Variants in MEGF10 observed in about 807,000 individuals in gnomAD.
MEGF10 encodes the protein multiple epidermal growth factor-like domains protein 10.
A neutral mutation model predicts 147.5 loss-of-function variants in MEGF10; 86 were observed. That is an observed-to-expected ratio of 0.58 (90% CI 0.49 to 0.70). The LOEUF is 0.70. MEGF10 is among the 30% of genes least tolerant of loss of function. The pLI, the probability that MEGF10 is intolerant of heterozygous loss-of-function variation, is 0.00. For synonymous variants in MEGF10, 478 were observed against 525.5 expected, an observed-to-expected ratio of 0.91 and a Z score of 1.24; for missense variants, 1,329 against 1,487.3, an observed-to-expected ratio of 0.89 and a Z score of 1.75.
At chr5:127,453,265 C>G (rs1766223925) in intron 22 of MEGF10, among the ~76,000 whole-genome samples, 1 of 152,144 alleles carries the variant, frequency 6.6e-6, no homozygotes, top group South Asian at 2.1e-4. Flanking sequence ...CCATATTGCC[C>G]AGGCTGGTCT....
chr5:127,408,509 T>A (rs1044041576), intron 8 of MEGF10, among the ~76,000 whole-genome samples: 3 of 152,194 alleles, frequency 2.0e-5, no homozygotes, highest in Admixed American at 2.0e-4. Context: ...TTGAAGCTTC[T>A]TAGAGGTTAA....
At chr5:127,309,425 C>T (rs1760161609) in intron 1 of MEGF10, among the ~76,000 whole-genome samples, 1 of 152,186 alleles carries the variant, frequency 6.6e-6, no homozygotes, top group African/African-American at 2.4e-5. Context: ...ACTCTGTACC[C>T]ATTAAATAGC....
chr5:127,420,523 G>T (rs1242146233), intron 12 of MEGF10, among the ~76,000 whole-genome samples: 2 of 151,778 alleles, frequency 1.3e-5, no homozygotes, highest in African/African-American at 4.8e-5. Flanking sequence ...AACAGTACTG[G>T]TCTCCAAATA....
intron 20 of MEGF10, 23 bp downstream of exon 20, chr5:127,445,716 C>T: frequency 1.3e-6 from 2 of 1,569,410 alleles, no homozygotes; most frequent in South Asian, 2.2e-5. Context: ...GCAGGAGAGG[C>T]ATTTTGCTTC....
the MEGF10 span, among the ~76,000 whole-genome samples, chr5:127,277,810 T>C: frequency 1.3e-5 from 2 of 152,160 alleles, no homozygotes; most frequent in African/African-American, 4.8e-5. Flanking sequence ...AGCTCAAGGA[T>C]GACACCAAGG....
intron 16 of MEGF10, 143 bp downstream of exon 16, chr5:127,435,632 T>C (rs374499212): frequency 5.7e-6 from 5 of 879,286 alleles, no homozygotes; most frequent in East Asian, 3.2e-5. Flanking sequence ...AAATTCTTTT[T>C]TTAAAATTCT....
chr5:127,412,261 T>C (rs1032192708), intron 9 of MEGF10, among the ~76,000 whole-genome samples: 1 of 152,234 alleles, frequency 6.6e-6, no homozygotes, highest in African/African-American at 2.4e-5. Context: ...TCATGAAAGG[T>C]ATTTTTAAAG....
intron 8 of MEGF10, among the ~76,000 whole-genome samples, chr5:127,407,543 T>TA (rs1450282668): frequency 6.6e-6 from 1 of 152,164 alleles, no homozygotes; most frequent in Non-Finnish European, 1.5e-5. Context: ...ACTTGAAATG[T>TA]AAAAAAATTG....
intron 1 of MEGF10, among the ~76,000 whole-genome samples, chr5:127,298,639 TA>T (rs1474507669): frequency 2.6e-5 from 4 of 152,160 alleles, no homozygotes; most frequent in Admixed American, 2.0e-4. Context: ...TTGTTGGACT[TA>T]TAGTGCCCCA....
intron 12 of MEGF10, 72 bp from the exon 13 acceptor site, chr5:127,422,598 G>C (rs1289860238): frequency 2.6e-6 from 3 of 1,139,628 alleles, no homozygotes; most frequent in Non-Finnish European, 4.0e-6. Flanking sequence ...ATGGCTGACA[G>C]TGGCCTTTTC....
the MEGF10 span, among the ~76,000 whole-genome samples, chr5:127,280,694 G>GT: frequency 0.081 from 12,295 of 152,158 alleles, 1,051 homozygotes; most frequent in African/African-American, 0.22. Flanking sequence ...CAGGCATGCT[G>GT]GATCCCTGAT....
At chr5:127,258,086 C>T in the MEGF10 span, among the ~76,000 whole-genome samples, 18 of 152,276 alleles carry the variant, frequency 1.2e-4, no homozygotes, top group African/African-American at 4.1e-4. Flanking sequence ...GGAGACCCAT[C>T]AATCTGATAC....
At chr5:127,421,721 A>G (rs1765011853) in intron 12 of MEGF10, among the ~76,000 whole-genome samples, 2 of 152,130 alleles carry the variant, frequency 1.3e-5, no homozygotes, top group African/African-American at 4.8e-5. Flanking sequence ...GCAGGATAAT[A>G]ATCAGAGAAA....
intron 4 of MEGF10, among the ~76,000 whole-genome samples, chr5:127,361,678 T>A (rs1231955266): frequency 6.6e-6 from 1 of 152,158 alleles, no homozygotes; most frequent in Non-Finnish European, 1.5e-5. Flanking sequence ...ATTTCCTCTA[T>A]GTGCTGCTTT....
intron 5 of MEGF10, among the ~76,000 whole-genome samples, chr5:127,382,904 C>T (rs73783776): frequency 0.032 from 4,935 of 152,054 alleles, 272 homozygotes; most frequent in African/African-American, 0.11. Context: ...CATTTCTCAC[C>T]ATCAGATTGG....
chr5:127,439,963 G>T (rs1414640586), intron 17 of MEGF10, among the ~76,000 whole-genome samples: 2 of 152,196 alleles, frequency 1.3e-5, no homozygotes, highest in African/African-American at 4.8e-5. Flanking sequence ...CTTCTTGAAA[G>T]TTCCATAAGA....
chr5:127,245,504 C>T, the MEGF10 span, among the ~76,000 whole-genome samples: 1 of 152,128 alleles, frequency 6.6e-6, no homozygotes, highest in East Asian at 1.9e-4. Flanking sequence ...CCATAAAAAC[C>T]ATAGAAGAAA....
chr5:127,384,156 A>G (rs1763349284), intron 5 of MEGF10, among the ~76,000 whole-genome samples: 1 of 152,192 alleles, frequency 6.6e-6, no homozygotes, highest in African/African-American at 2.4e-5. Flanking sequence ...CCTGTCTCGT[A>G]ACACCTAGCA....
chr5:127,310,018 T>TCCTTCCTTCCTTCCTTCCTTCC (rs58548600), intron 1 of MEGF10, among the ~76,000 whole-genome samples: 3 of 27,346 alleles, frequency 1.1e-4, no homozygotes. Context: ...TCCTTTCTTT[T>TCCTTCCTTCCTTCCTTCCTTCC]TTTCTTTCTT....
Sources: gnomAD v4.1 joint callset for allele counts (sites outside exome capture counted in the v4.1 genomes callset) on GRCh38, gnomAD v4.1.1 for gene constraint, MANE v1.5 for transcripts, NCBI Gene and HGNC (gene_info 2026-07-23, HGNC 2026-07-21) for gene names.